PRKCE: variants seen among roughly 807,000 people sequenced by gnomAD.
The protein encoded by PRKCE is protein kinase C epsilon, also known as protein kinase C epsilon type.
A neutral mutation model predicts 85.4 loss-of-function variants in PRKCE; 16 were observed. The ratio of observed to expected loss-of-function variants is 0.19; its 90% CI spans 0.13 to 0.28. PRKCE has a LOEUF of 0.28. Among genes scored for constraint, PRKCE ranks in the 10% least tolerant of loss-of-function variants. PRKCE has a pLI of 1.00. For missense variants in PRKCE, 573 were observed against 975.2 expected (o/e 0.59, Z 5.49); for synonymous variants, 388 against 371.5 (o/e 1.04, Z -0.51).
chr2:45,699,722 G>A (rs1678459195), intron 1 of PRKCE, among the ~76,000 whole-genome samples: 1 of 152,192 alleles, frequency 6.6e-6, no homozygotes, highest in Non-Finnish European at 1.5e-5. Flanking sequence ...GGAGATGTGT[G>A]TGCACAGGGT....
intron 1 of PRKCE, among the ~76,000 whole-genome samples, chr2:45,719,334 T>G (rs990292459): frequency 1.3e-5 from 2 of 152,274 alleles, no homozygotes; most frequent in Non-Finnish European, 2.9e-5. Flanking sequence ...CAGCACTGGA[T>G]TAATCTTACA....
chr2:45,651,849 A>T lies in PRKCE; in HGVS notation c.-252A>T. 1 of 394,124 alleles carries T rather than the reference A, an allele frequency of 2.5e-6. No homozygotes were observed. The highest frequency in any genetic ancestry group is 3.9e-5 in the East Asian group (1 of 25,560). The allele number at this position is 394,124 out of a possible 1,614,324, so 24.4% of individuals were successfully genotyped here. A position where few individuals can be genotyped will look rare whatever the true frequency, so the allele number is the denominator to read the frequency against. ...GTGCAGCTGGTGGTCGGGGGGAGAG[A>T]CTTGCTCCAAACACGGACATCCCCC... On this transcript the variant is annotated 5_prime_UTR_variant, in exon 1 of 15. Coordinates refer to ENST00000306156, the MANE Select transcript of PRKCE (RefSeq NM_005400.3).
intron 1 of PRKCE, among the ~76,000 whole-genome samples, chr2:45,775,823 A>G (rs1685706259): frequency 6.6e-6 from 1 of 152,112 alleles, no homozygotes; most frequent in African/African-American, 2.4e-5. Flanking sequence ...AAGGCCACAC[A>G]TGGTCTGTAC....
intron 1 of PRKCE, among the ~76,000 whole-genome samples, chr2:45,783,269 T>A (rs6707151): frequency 0.17 from 25,516 of 152,226 alleles, 4,977 homozygotes; most frequent in African/African-American, 0.47. Context: ...CAGGGTTTTC[T>A]TTAGCTATGG....
chr2:45,666,054 C>T (rs1328265915), intron 1 of PRKCE, among the ~76,000 whole-genome samples: 2 of 152,150 alleles, frequency 1.3e-5, no homozygotes, highest in Non-Finnish European at 2.9e-5. Flanking sequence ...CTGCCATTAG[C>T]CTGCTACAGG....
chr2:46,021,455 C>T (rs554602828), intron 10 of PRKCE, among the ~76,000 whole-genome samples: 5 of 152,322 alleles, frequency 3.3e-5, no homozygotes, highest in African/African-American at 1.2e-4. Flanking sequence ...TGGGGAAGAA[C>T]TTCTGCAGGA....
At chr2:45,881,779 T>C (rs544749536) in intron 2 of PRKCE, among the ~76,000 whole-genome samples, 6 of 152,346 alleles carry the variant, frequency 3.9e-5, no homozygotes, top group Admixed American at 1.3e-4. Flanking sequence ...TCTGTGTCCT[T>C]AATCTTACTC....
At chr2:45,770,402 A>G (rs1685221567) in intron 1 of PRKCE, among the ~76,000 whole-genome samples, 1 of 152,082 alleles carries the variant, frequency 6.6e-6, no homozygotes. Flanking sequence ...TAAGGTTCTC[A>G]TGTTCACGTA....
At chr2:45,772,965 C>T (rs879462840) in intron 1 of PRKCE, among the ~76,000 whole-genome samples, 3 of 152,054 alleles carry the variant, frequency 2.0e-5, no homozygotes, top group Non-Finnish European at 4.4e-5. Context: ...GGTGGCTGGG[C>T]CGTGTATGAC....
At chr2:45,844,266 T>A (rs1422664939) in intron 2 of PRKCE, among the ~76,000 whole-genome samples, 1 of 152,250 alleles carries the variant, frequency 6.6e-6, no homozygotes, top group African/African-American at 2.4e-5. Flanking sequence ...TCCCAATTAT[T>A]TGGCATAGGT....
intron 1 of PRKCE, among the ~76,000 whole-genome samples, chr2:45,671,532 T>C (rs1268639131): frequency 6.6e-6 from 1 of 152,202 alleles, no homozygotes; most frequent in Non-Finnish European, 1.5e-5. Context: ...TCAAAATTTC[T>C]TCTTTTGTTC....
At chr2:46,094,991 G>A (rs998147787) in intron 11 of PRKCE, among the ~76,000 whole-genome samples, 5 of 152,104 alleles carry the variant, frequency 3.3e-5, no homozygotes, top group Admixed American at 1.3e-4. Context: ...TGAATGATGC[G>A]ATATAGGTCT....
intron 2 of PRKCE, among the ~76,000 whole-genome samples, chr2:45,964,839 C>G (rs1701626083): frequency 6.6e-6 from 1 of 152,190 alleles, no homozygotes; most frequent in Non-Finnish European, 1.5e-5. Flanking sequence ...GCTGCTGTGC[C>G]TACCGTATCA....
At chr2:45,854,429 C>T (rs1009267733) in intron 2 of PRKCE, among the ~76,000 whole-genome samples, 1 of 152,186 alleles carries the variant, frequency 6.6e-6, no homozygotes, top group Non-Finnish European at 1.5e-5. Context: ...GCCCTGGGCA[C>T]AAGACCCCCA....
At chr2:45,929,669 T>G (rs1698889556) in intron 2 of PRKCE, among the ~76,000 whole-genome samples, 1 of 152,182 alleles carries the variant, frequency 6.6e-6, no homozygotes, top group South Asian at 2.1e-4. Flanking sequence ...ATTGGGAATT[T>G]TTGTAAGCAT....
chr2:45,722,855 C>G (rs1204949515), intron 1 of PRKCE, among the ~76,000 whole-genome samples: 1 of 152,202 alleles, frequency 6.6e-6, no homozygotes, highest in East Asian at 1.9e-4. Flanking sequence ...AATCCCAGCT[C>G]TTTGGGAGGC....
chr2:45,655,626 G>A (rs1412784036), intron 1 of PRKCE, among the ~76,000 whole-genome samples: 1 of 152,060 alleles, frequency 6.6e-6, no homozygotes, highest in African/African-American at 2.4e-5. Context: ...AGAAGTTCAA[G>A]ATCAGCCTAG....
At chr2:45,794,098 G>C (rs1687232304) in intron 1 of PRKCE, among the ~76,000 whole-genome samples, 1 of 152,202 alleles carries the variant, frequency 6.6e-6, no homozygotes, top group African/African-American at 2.4e-5. Flanking sequence ...GGGAGACGCA[G>C]ATGTTTCAGC....
intron 10 of PRKCE, among the ~76,000 whole-genome samples, chr2:46,042,192 G>A (rs1357223275): frequency 7.2e-5 from 11 of 152,206 alleles, no homozygotes; most frequent in Non-Finnish European, 1.6e-4. Context: ...TTTGGAGTGT[G>A]TGAATTTCAT....
Sources: allele counts gnomAD v4.1 joint callset (sites outside exome capture counted in the v4.1 genomes callset), GRCh38; gene constraint gnomAD v4.1.1; transcripts MANE v1.5; gene names NCBI Gene and HGNC (gene_info 2026-07-23, HGNC 2026-07-21).